Variants in RAB38 observed in about 807,000 individuals in gnomAD.
The protein encoded by RAB38 is ras-related protein Rab-38.
Under a neutral mutation model 18.4 loss-of-function variants are expected in RAB38, and 15 were observed. That is an observed-to-expected ratio of 0.82 (90% CI 0.55 to 1.26). The LOEUF is 1.26. Ranked by LOEUF, RAB38 falls within the 50% of genes most tolerant of loss-of-function variation. The pLI, the probability that RAB38 is intolerant of heterozygous loss-of-function variation, is 0.00. For synonymous variants in RAB38, 101 were observed against 104.4 expected (o/e 0.97, Z 0.20); for missense variants, 294 against 267.4 (o/e 1.10, Z -0.69).
the RAB38 span, among the ~76,000 whole-genome samples, chr11:87,842,828 A>G: frequency 1.3e-4 from 19 of 151,442 alleles, no homozygotes; most frequent in Non-Finnish European, 2.2e-4. Context: ...ACACACACAC[A>G]CACACACACA....
At chr11:87,813,991 G>A in the RAB38 span, among the ~76,000 whole-genome samples, 3 of 152,178 alleles carry the variant, frequency 2.0e-5, no homozygotes, top group Non-Finnish European at 4.4e-5. Flanking sequence ...CATTTCCACT[G>A]GGCAGGGATG....
chr11:87,824,573 A>T, the RAB38 span, among the ~76,000 whole-genome samples: 8 of 152,318 alleles, frequency 5.3e-5, no homozygotes, highest in African/African-American at 1.7e-4. Flanking sequence ...TCCACTAAAA[A>T]ATCATATCAG....
the RAB38 span, among the ~76,000 whole-genome samples, chr11:87,912,804 T>A: frequency 5.3e-5 from 8 of 149,706 alleles, no homozygotes; most frequent in East Asian, 1.6e-3. Flanking sequence ...TAGAAGTTTT[T>A]TCTTTTATAC....
At chr11:87,856,961 C>T in the RAB38 span, among the ~76,000 whole-genome samples, 1 of 151,846 alleles carries the variant, frequency 6.6e-6, no homozygotes, top group Admixed American at 6.6e-5. Context: ...TGTGCTGCAC[C>T]CATTAACTCA....
the RAB38 span, among the ~76,000 whole-genome samples, chr11:87,976,699 T>C: frequency 7.4e-5 from 9 of 122,288 alleles, no homozygotes; most frequent in East Asian, 2.4e-4. Context: ...TTACAATATA[T>C]TTTTACATAT....
the RAB38 span, among the ~76,000 whole-genome samples, chr11:87,893,390 A>ATATATATATATATATATTTTTT: frequency 0.051 from 4,799 of 93,722 alleles, 226 homozygotes; most frequent in Middle Eastern, 0.088. Context: ...ATATATATAT[A>ATATATATATATATATATTTTTT]TTTTTTTTTT....
chr11:87,875,326 T>G, the RAB38 span, among the ~76,000 whole-genome samples: 13 of 151,354 alleles, frequency 8.6e-5, no homozygotes, highest in African/African-American at 3.1e-4. Context: ...AAAATAAAAT[T>G]AATTATAAGT....
chr11:88,049,393 C>T, the RAB38 span, among the ~76,000 whole-genome samples: 1 of 152,096 alleles, frequency 6.6e-6, no homozygotes, highest in African/African-American at 2.4e-5. Flanking sequence ...CCTGGCTCAT[C>T]CTGGCTCAAA....
chr11:88,033,355 T>A, the RAB38 span, among the ~76,000 whole-genome samples: 1 of 150,518 alleles, frequency 6.6e-6, no homozygotes, highest in African/African-American at 2.4e-5. Flanking sequence ...TGTGTACATG[T>A]ACCCTAAAAC....
At chr11:88,008,834 C>G in the RAB38 span, among the ~76,000 whole-genome samples, 1 of 152,118 alleles carries the variant, frequency 6.6e-6, no homozygotes, top group Non-Finnish European at 1.5e-5. Flanking sequence ...CCACCACGCC[C>G]GGCTAATTTT....
the RAB38 span, among the ~76,000 whole-genome samples, chr11:88,102,392 G>A: frequency 6.6e-6 from 1 of 151,976 alleles, no homozygotes; most frequent in African/African-American, 2.4e-5. Flanking sequence ...CCAGATGACT[G>A]CTCTAGCTCT....
the RAB38 span, among the ~76,000 whole-genome samples, chr11:87,811,775 C>T: frequency 2.0e-5 from 3 of 151,902 alleles, no homozygotes; most frequent in Admixed American, 6.6e-5. Context: ...TAAAAACTTC[C>T]CTTAAATACA....
chr11:88,012,039 G>C, the RAB38 span, among the ~76,000 whole-genome samples: 8 of 152,282 alleles, frequency 5.3e-5, no homozygotes, highest in African/African-American at 1.9e-4. Flanking sequence ...TCACCTGAGA[G>C]ATGGGACAGG....
the RAB38 span, among the ~76,000 whole-genome samples, chr11:88,034,170 G>A: frequency 2.9e-4 from 44 of 152,124 alleles, no homozygotes; most frequent in Admixed American, 4.6e-4. Context: ...TTTGGGATTC[G>A]CTTTTTTTCA....
At chr11:87,924,910 AT>A in the RAB38 span, among the ~76,000 whole-genome samples, 3 of 151,980 alleles carry the variant, frequency 2.0e-5, no homozygotes. Context: ...GTGCAAACAA[AT>A]GGACATATCT....
the RAB38 span, among the ~76,000 whole-genome samples, chr11:87,853,667 G>A: frequency 6.6e-6 from 1 of 152,190 alleles, no homozygotes; most frequent in African/African-American, 2.4e-5. Context: ...GGAAGATTGG[G>A]CTAAAGAGAA....
the RAB38 span, among the ~76,000 whole-genome samples, chr11:87,939,049 A>G: frequency 6.6e-6 from 1 of 152,062 alleles, no homozygotes; most frequent in African/African-American, 2.4e-5. Context: ...TATCCATTTT[A>G]GAGTATTTGG....
intron 2 of RAB38, among the ~76,000 whole-genome samples, chr11:88,116,529 G>GC (rs1366644275): frequency 2.3e-4 from 35 of 152,210 alleles, no homozygotes; most frequent in Admixed American, 2.3e-3. Context: ...GAATCACACA[G>GC]CAAGTGGGCT....
chr11:88,062,419 C>A, the RAB38 span, among the ~76,000 whole-genome samples: 1 of 152,180 alleles, frequency 6.6e-6, no homozygotes. Flanking sequence ...GTCAATTAAA[C>A]CTCTTTTCTT....
Sources: gnomAD v4.1 joint callset for allele counts (sites outside exome capture counted in the v4.1 genomes callset) on GRCh38, gnomAD v4.1.1 for gene constraint, MANE v1.5 for transcripts, NCBI Gene and HGNC (gene_info 2026-07-23, HGNC 2026-07-21) for gene names.